The following IRAK3 variants were observed in gnomAD, a reference collection of about 807,000 sequenced individuals.
IRAK3 encodes interleukin-1 receptor-associated kinase 3.
In IRAK3, 57 loss-of-function variants were observed where a neutral mutation model predicts 56.6. The observed-to-expected ratio is 1.01, with a 90% CI of 0.81 to 1.26. IRAK3 has a LOEUF of 1.26. Among genes scored for constraint, IRAK3 ranks in the 50% most tolerant of loss-of-function variants. The probability of loss-of-function intolerance (pLI) is 0.00; values close to 1 mark genes in which losing one functional copy is unlikely to be tolerated. For synonymous variants in IRAK3, 258 were observed against 255.7 expected (o/e 1.01, Z -0.09); for missense variants, 703 against 719.0 (o/e 0.98, Z 0.25).
rs552892184 is a variant in IRAK3 at position 66,234,510 on chromosome 12, T to G, written c.887+6140T>G. ...AATCCGTTTTGTATAGCAGCTGTAG[T>G]TGGGTCGTAAGTAAGTGTCATTCCA... On this transcript the variant is annotated intron_variant, in intron 8 of 11. Transcript: ENST00000261233. 7.8e-5 allele frequency: 125 copies of G among 1,611,956 alleles called. No homozygotes were observed. In the African/African-American group the frequency reaches 1.4e-3, roughly 18 times the overall value.
chr12:66,234,650 G>A lies in IRAK3; in HGVS notation c.887+6280G>A, dbSNP rs1463245425. The A allele has an allele frequency of 5.0e-6, 8 of 1,611,296 alleles. No homozygotes were observed. The African/African-American group carries it at 9.4e-5, about 19-fold the overall frequency. On this transcript the variant is annotated intron_variant, in intron 8 of 11. Transcript: ENST00000261233. ...AAACTTACACAATAAAGGTTCTGTG[G>A]GGGCAGAAACTCCTGGTGGTGTCTT...
chr12:66,242,102 G>T (rs1408501637), intron 8 of IRAK3, among the ~76,000 whole-genome samples: 1 of 152,044 alleles, frequency 6.6e-6, no homozygotes, highest in Non-Finnish European at 1.5e-5. Flanking sequence ...AGATGTTTAG[G>T]TGTTTGACAT....
At chr12:66,215,559 A>G (rs1056687458) in intron 5 of IRAK3, among the ~76,000 whole-genome samples, 1 of 152,164 alleles carries the variant, frequency 6.6e-6, no homozygotes, top group African/African-American at 2.4e-5. Context: ...GGCCTTGCCC[A>G]TAGTAGCTCA....
Position 66,245,263 on chromosome 12 carries a change from G to A in IRAK3, c.1314+1G>A, listed in dbSNP as rs963811998. The A allele has an allele frequency of 5.0e-6, 8 of 1,614,052 alleles. No individual in the cohort carries two copies. Among genetic ancestry groups the A allele is most frequent in the Non-Finnish European group, 5.9e-6 (7 of 1,179,934 alleles). Reference sequence around the variant, plus strand: ...AAAGTTAAGACCATCAATGGATGAAGTGAGTATATACATGGTTTTATTCAA... The same window carrying A: ...AAAGTTAAGACCATCAATGGATGAAATGAGTATATACATGGTTTTATTCAA... On this transcript the variant is annotated splice_donor_variant, in intron 11 of 11. Transcript: ENST00000261233. LOFTEE classifies it high-confidence loss of function.
chr12:66,248,114 G>A lies in IRAK3; in HGVS notation c.1734G>A (p.Glu578=), dbSNP rs768147683. 4 of 1,611,386 alleles carry A rather than the reference G, an allele frequency of 2.5e-6. No homozygotes were observed. The highest frequency in any genetic ancestry group is 3.4e-6 in the Non-Finnish European group (4 of 1,178,922). Residue 578 remains glutamate, a synonymous_variant, in exon 12 of 12, where the codon GAG becomes GAA. Transcript: ENST00000261233. ...PGHSCRSRPV[E]SSCSSKFSWD... is the part of the protein sequence containing the mutation. Reference sequence around the variant, plus strand: ...ATTCTTGCAGGAGCAGGCCAGTGGAGAGCAGCTGTTCCTCCAAATTTTCCT... The same window carrying A: ...ATTCTTGCAGGAGCAGGCCAGTGGAAAGCAGCTGTTCCTCCAAATTTTCCT...
chr12:66,215,007 C>T (rs1205148507), intron 5 of IRAK3, among the ~76,000 whole-genome samples: 2 of 152,168 alleles, frequency 1.3e-5, no homozygotes, highest in Non-Finnish European at 2.9e-5. Context: ...AATTATTTAC[C>T]TAATTTCTCC....
intron 1 of IRAK3, chr12:66,197,396 A>C (rs2052464748): frequency 1.0e-6 from 1 of 989,746 alleles, no homozygotes; most frequent in African/African-American, 1.7e-5. Flanking sequence ...ACATGTTGAG[A>C]GTTTGCATTC....
intron 2 of IRAK3, among the ~76,000 whole-genome samples, chr12:66,204,201 G>C (rs1287274794): frequency 6.6e-6 from 1 of 152,026 alleles, no homozygotes. Flanking sequence ...TCAGCTCTCT[G>C]TCAAAAACTC....
chr12:66,210,142 C>T lies in IRAK3; in HGVS notation c.382-5C>T, dbSNP rs1323934460. On this transcript the variant is annotated splice_region_variant and splice_polypyrimidine_tract_variant and intron_variant, in intron 3 of 11. Transcript: ENST00000261233. ...AATTACTTTAGTATATATTTCTTCT[C>T]TTAGGAAACAGCCAATGTCACCGTG... 1 of 1,571,234 alleles carries T rather than the reference C, an allele frequency of 6.4e-7. No individual in the cohort carries two copies. Among genetic ancestry groups the T allele is most frequent in the African/African-American group, 1.4e-5 (1 of 74,036 alleles).
chr12:66,234,645 C>T, intron 8 of IRAK3: 1 of 1,611,570 alleles, frequency 6.2e-7, no homozygotes, highest in Non-Finnish European at 8.5e-7. Flanking sequence ...AATAAAGGTT[C>T]TGTGGGGGCA....
intron 1 of IRAK3, among the ~76,000 whole-genome samples, chr12:66,198,790 C>G (rs1265068624): frequency 6.8e-6 from 1 of 146,724 alleles, no homozygotes; most frequent in Non-Finnish European, 1.5e-5. Context: ...GAGTCTCACT[C>G]TGTCACCCAG....
chr12:66,235,727 T>C (rs1230085484), intron 8 of IRAK3, among the ~76,000 whole-genome samples: 1 of 152,250 alleles, frequency 6.6e-6, no homozygotes, highest in African/African-American at 2.4e-5. Context: ...GTATAGTATA[T>C]AATTATAACT....
intron 8 of IRAK3, among the ~76,000 whole-genome samples, chr12:66,229,451 T>C (rs1224043171): frequency 1.3e-5 from 2 of 152,234 alleles, no homozygotes; most frequent in African/African-American, 4.8e-5. Context: ...TCCCAGTATC[T>C]TGAAAAAAAC....
chr12:66,192,657 A>C (rs2052410406), intron 1 of IRAK3, among the ~76,000 whole-genome samples: 1 of 152,224 alleles, frequency 6.6e-6, no homozygotes, highest in African/African-American at 2.4e-5. Context: ...TAAAAATTAA[A>C]TGTAAAATCA....
intron 1 of IRAK3, chr12:66,197,093 T>C: frequency 7.5e-7 from 1 of 1,328,822 alleles, no homozygotes; most frequent in Non-Finnish European, 9.6e-7. Flanking sequence ...TTTGAGCATC[T>C]GATTTCTGAA....
chr12:66,211,601 T>A lies in IRAK3; in HGVS notation c.588+4T>A. On this transcript the variant is annotated splice_donor_region_variant and intron_variant, in intron 5 of 11. Transcript: ENST00000261233. ...TGCTGTCAAATTATTTAAACAGGTA[T>A]GGAAAGAATTACTGTCACAGGACAT... The A allele has an allele frequency of 6.2e-7, 1 of 1,605,720 alleles. No individual in the cohort carries two copies. The highest frequency in any genetic ancestry group is 1.3e-5 in the African/African-American group (1 of 74,890).
chr12:66,196,652 A>G (rs1162905566), intron 1 of IRAK3, among the ~76,000 whole-genome samples: 1 of 152,192 alleles, frequency 6.6e-6, no homozygotes, highest in East Asian at 1.9e-4. Context: ...TAAAACATAC[A>G]CATGAGCTTA....
intron 8 of IRAK3, among the ~76,000 whole-genome samples, chr12:66,237,520 G>T (rs2052921009): frequency 6.6e-6 from 1 of 152,196 alleles, no homozygotes; most frequent in Non-Finnish European, 1.5e-5. Context: ...TGAGTAAAAA[G>T]ATGTCTCAGT....
intron 1 of IRAK3, among the ~76,000 whole-genome samples, chr12:66,202,629 A>C (rs930950216): frequency 6.6e-6 from 1 of 151,740 alleles, no homozygotes; most frequent in Non-Finnish European, 1.5e-5. Context: ...AAAGAAAAAA[A>C]AAACCCACAC....
Sources: gnomAD v4.1 joint callset for allele counts (sites outside exome capture counted in the v4.1 genomes callset) on GRCh38, gnomAD v4.1.1 for gene constraint, MANE v1.5 for transcripts, NCBI Gene and HGNC (gene_info 2026-07-23, HGNC 2026-07-21) for gene names.